LYST: variants seen among roughly 807,000 people sequenced by gnomAD.
The protein encoded by LYST is lysosomal-trafficking regulator.
LYST carries 192 observed loss-of-function variants against 413.6 expected under a neutral mutation model. That is an observed-to-expected ratio of 0.46 (90% CI 0.41 to 0.52). The LOEUF (loss-of-function observed/expected upper bound fraction) is 0.52. LYST is among the 20% of genes least tolerant of loss of function. The pLI, the probability that LYST is intolerant of heterozygous loss-of-function variation, is 0.00. For missense variants in LYST, 3,815 were observed against 4,499.9 expected, an observed-to-expected ratio of 0.85 and a Z score of 4.35; for synonymous variants, 1,525 against 1,567.3, an observed-to-expected ratio of 0.97 and a Z score of 0.64.
chr1:235,754,159 C>T (rs1366161004), intron 25 of LYST, among the ~76,000 whole-genome samples: 9 of 151,392 alleles, frequency 5.9e-5, no homozygotes, highest in African/African-American at 2.2e-4. Flanking sequence ...GAGAGTAAGG[C>T]GTTCCTATAT....
chr1:235,684,702 T>A (rs955141472), intron 48 of LYST, among the ~76,000 whole-genome samples: 1 of 152,168 alleles, frequency 6.6e-6, no homozygotes, highest in African/African-American at 2.4e-5. Flanking sequence ...TGCTGTGATC[T>A]CGACCTTCTG....
chr1:235,720,066 C>T (rs10926497), intron 40 of LYST, among the ~76,000 whole-genome samples: 1 of 149,386 alleles, frequency 6.7e-6, no homozygotes, highest in African/African-American at 2.5e-5. Flanking sequence ...GTCCCAGCTA[C>T]TCAGAGGCTG....
At chr1:235,782,201 C>G in intron 14 of LYST, 114 bp from the exon 15 acceptor site, 1 of 940,356 alleles carries the variant, frequency 1.1e-6, no homozygotes, top group South Asian at 1.6e-5. Context: ...TTTTTGGAGA[C>G]AGAGTCTCGC....
Position 235,686,132 on chromosome 1 carries a change from C to T in LYST, c.10800+817G>A, listed in dbSNP as rs540230556. On this transcript the variant is annotated intron_variant, in intron 48 of 52. Coordinates refer to ENST00000389793, the MANE Select transcript of LYST (RefSeq NM_000081.4). This position sits in a 1 kb window ranked among gnomAD's most constrained non-coding sequence, Gnocchi z 4.0. ...CTATAATCCCAGCACTTTGGGAGGCCGAGGTGGGAGGATCACTTGAAGCCA... is the reference window on the plus strand; with the variant it reads ...CTATAATCCCAGCACTTTGGGAGGCTGAGGTGGGAGGATCACTTGAAGCCA... 6.0e-4 allele frequency among the ~76,000 whole-genome samples: 91 copies of T among 151,836 alleles called. No individual in the cohort carries two copies. Among genetic ancestry groups the T allele is most frequent in the Non-Finnish European group, 9.7e-4 (66 of 67,908 alleles).
intron 1 of LYST, among the ~76,000 whole-genome samples, chr1:235,847,963 C>T (rs1231728233): frequency 6.6e-6 from 1 of 151,668 alleles, no homozygotes; most frequent in East Asian, 1.9e-4. Flanking sequence ...CTCCAATGAC[C>T]AGACAGGTCA....
At chr1:235,847,300 T>C (rs1444753958) in intron 1 of LYST, among the ~76,000 whole-genome samples, 2 of 152,054 alleles carry the variant, frequency 1.3e-5, no homozygotes, top group Non-Finnish European at 2.9e-5. Context: ...GAAGGAAAGA[T>C]ACAGTCTTTT....
intron 1 of LYST, among the ~76,000 whole-genome samples, chr1:235,857,835 G>A (rs1243938099): frequency 4.0e-5 from 6 of 150,756 alleles, no homozygotes; most frequent in Admixed American, 1.3e-4. Flanking sequence ...GTTAAGAAAT[G>A]AATGGTTAAT....
chr1:235,805,680 A>ATG (rs763183850), intron 6 of LYST, 63 bp downstream of exon 6: 145 of 857,638 alleles, frequency 1.7e-4, no homozygotes, highest in Non-Finnish European at 2.4e-4. Context: ...TTATATATAT[A>ATG]TGTGTGTGTG....
At chr1:235,760,830 G>C (rs1164471043) in intron 22 of LYST, among the ~76,000 whole-genome samples, 1 of 152,236 alleles carries the variant, frequency 6.6e-6, no homozygotes, top group Non-Finnish European at 1.5e-5. Context: ...ATTTGGGCTA[G>C]AGGGCTAAAG....
At chr1:235,684,205 C>T (rs1660040767) in intron 48 of LYST, among the ~76,000 whole-genome samples, 1 of 152,112 alleles carries the variant, frequency 6.6e-6, no homozygotes, top group African/African-American at 2.4e-5. Context: ...ATCCTGTGCA[C>T]AAATACTCCT....
intron 24 of LYST, 150 bp downstream of exon 24, chr1:235,757,131 A>G: frequency 1.8e-6 from 1 of 542,078 alleles, no homozygotes; most frequent in Non-Finnish European, 3.1e-6. Flanking sequence ...TTAAAAATAT[A>G]TGAGTATTAA....
At chr1:235,758,813 A>C (rs575105861) in intron 23 of LYST, among the ~76,000 whole-genome samples, 159 bp downstream of exon 23, 7 of 152,354 alleles carry the variant, frequency 4.6e-5, no homozygotes, top group African/African-American at 1.7e-4. Context: ...AATAAGGAAA[A>C]ATATATCTTT....
intron 48 of LYST, 71 bp from the exon 49 acceptor site, chr1:235,677,690 A>G: frequency 8.6e-7 from 1 of 1,162,694 alleles, no homozygotes; most frequent in African/African-American, 1.5e-5. Flanking sequence ...TCTCAAAAAT[A>G]AAACAACCAA....
In LYST at chr1:235,758,998, A is replaced by T. The variant is rs761261371; in HGVS notation, c.6855T>A (p.Asn2285Lys). Reference sequence around the variant, plus strand: ...TGTGAGCACTTGCAGTTCGGTTGTAATTTGGCTCATAACCAAGAGAATAGG... The same window carrying T: ...TGTGAGCACTTGCAGTTCGGTTGTATTTTGGCTCATAACCAAGAGAATAGG... ...NFAYSLGYEP[N>K]YNRTASAHSV... Residue 2285 changes from asparagine to lysine, a missense_variant, in exon 23 of 53, where the codon AAT (asparagine) becomes AAA (lysine). By Grantham distance (94) the Asn-to-Lys change is moderately conservative. Coordinates refer to ENST00000389793, the MANE Select transcript of LYST (RefSeq NM_000081.4). 1.9e-6 allele frequency: 3 copies of T among 1,614,086 alleles called. No homozygotes were observed. The South Asian group carries it at 3.3e-5, about 18-fold the overall frequency.
At chr1:235,843,041 G>A (rs1049972966) in intron 1 of LYST, among the ~76,000 whole-genome samples, 2 of 151,994 alleles carry the variant, frequency 1.3e-5, no homozygotes, top group African/African-American at 4.8e-5. Flanking sequence ...GCCTTGTCAT[G>A]TCTGTGTTCT....
At chr1:235,751,961 T>C (rs537654059) in intron 27 of LYST, 44 bp downstream of exon 27, 1 of 1,389,456 alleles carries the variant, frequency 7.2e-7, no homozygotes, top group African/African-American at 1.4e-5. Flanking sequence ...CAGGTTTGTC[T>C]GTTATACAAC....
At chr1:235,788,621 A>G in intron 13 of LYST, 80 bp downstream of exon 13, 1 of 1,354,252 alleles carries the variant, frequency 7.4e-7, no homozygotes, top group Non-Finnish European at 1.0e-6. Flanking sequence ...AACTTTTATT[A>G]GTAGATTTCA....
At chr1:235,846,411 C>A (rs532724648) in intron 1 of LYST, among the ~76,000 whole-genome samples, 1 of 152,110 alleles carries the variant, frequency 6.6e-6, no homozygotes, top group South Asian at 2.1e-4. Flanking sequence ...ACAGAGCCTA[C>A]CCAAATGAGA....
chr1:235,867,509 G>A (rs1680692546), upstream of LYST, among the ~76,000 whole-genome samples: 1 of 147,668 alleles, frequency 6.8e-6, no homozygotes, highest in Admixed American at 6.7e-5. Flanking sequence ...AGCCACTGCA[G>A]AAGTAATTCA....
Sources: allele counts gnomAD v4.1 joint callset (sites outside exome capture counted in the v4.1 genomes callset), GRCh38; gene constraint gnomAD v4.1.1; non-coding constraint Gnocchi (gnomAD v3.1); transcripts MANE v1.5; gene names NCBI Gene and HGNC (gene_info 2026-07-23, HGNC 2026-07-21).